EXOC4: variants seen among roughly 807,000 people sequenced by gnomAD.
The protein encoded by EXOC4 is SEC8-like 1.
Under a neutral mutation model 107.2 loss-of-function variants are expected in EXOC4, and 71 were observed. The ratio of observed to expected loss-of-function variants is 0.66; its 90% confidence interval spans 0.55 to 0.81. The LOEUF (loss-of-function observed/expected upper bound fraction) is 0.81, where lower values mean the gene tolerates loss of function less well. Ranked by LOEUF, EXOC4 falls within the 30% of genes least tolerant of loss-of-function variation. The pLI, the probability that EXOC4 is intolerant of heterozygous loss-of-function variation, is 0.00. For missense variants in EXOC4, 1,108 were observed against 1,189.6 expected (o/e 0.93, Z 1.01); for synonymous variants, 456 against 441.2 (o/e 1.03, Z -0.42).
At chr7:133,966,339 C>T (rs1266939271) in intron 14 of EXOC4, among the ~76,000 whole-genome samples, 1 of 152,046 alleles carries the variant, frequency 6.6e-6, no homozygotes, top group African/African-American at 2.4e-5. Flanking sequence ...GCCTGATTGC[C>T]CTGGCCAGAA....
At chr7:134,067,628 TATATATATATACACAC>T (rs1796203125), downstream of EXOC4, among the ~76,000 whole-genome samples, 1 of 43,094 alleles carries the variant, frequency 2.3e-5, no homozygotes, top group African/African-American at 6.0e-5. Context: ...CCAACTCTTA[TATATATATATACACAC>T]ACACACACAC....
rs756723989 is a variant in EXOC4 at position 133,305,972 on chromosome 7, C to G, written c.567C>G (p.His189Gln). The change falls in exon 4 of 18, where the codon CAC becomes CAG. Residue 189 changes from histidine (H) to glutamine (Q), a missense_variant. Physicochemically the swap from His to Gln is conservative, Grantham distance 24. Transcript: ENST00000253861. ...LELHSKKMNL[H>Q]LVLIDELHRH... ...TTCACAGCAAGAAGATGAACCTTCA[C>G]TTGGTTCTCATAGATGAACTACACC... is the stretch of plus-strand genomic sequence containing the variant. 1 of 1,613,810 alleles carries G rather than the reference C, an allele frequency of 6.2e-7. No individual in the cohort carries two copies. The highest frequency in any genetic ancestry group is 1.3e-5 in the African/African-American group (1 of 74,900).
chr7:133,780,662 A>T (rs569213281), intron 10 of EXOC4, among the ~76,000 whole-genome samples: 15 of 152,270 alleles, frequency 9.9e-5, no homozygotes, highest in African/African-American at 3.4e-4. Context: ...CACATTGGGC[A>T]GGAGTGGGCC....
intron 13 of EXOC4, 84 bp from the exon 14 acceptor site, chr7:133,937,807 T>C (rs1242397475): frequency 7.6e-7 from 1 of 1,318,376 alleles, no homozygotes. Context: ...TCAGTCCTTG[T>C]GCTAGGTGTG....
At chr7:133,409,153 AT>A (rs1486867528) in intron 7 of EXOC4, among the ~76,000 whole-genome samples, 2 of 152,196 alleles carry the variant, frequency 1.3e-5, no homozygotes, top group Non-Finnish European at 2.9e-5. Flanking sequence ...TAACCAGCAA[AT>A]TTGTAAATGT....
chr7:133,464,052 A>G (rs1411646273), intron 7 of EXOC4, among the ~76,000 whole-genome samples: 1 of 152,208 alleles, frequency 6.6e-6, no homozygotes, highest in Non-Finnish European at 1.5e-5. Context: ...ACTGGAATAT[A>G]TTAGAAAAGA....
chr7:134,090,834 G>T, the EXOC4 span, among the ~76,000 whole-genome samples: 3 of 152,028 alleles, frequency 2.0e-5, no homozygotes, highest in Admixed American at 6.6e-5. Flanking sequence ...GAGAATAGCA[G>T]TTAGCATCCC....
chr7:133,882,705 A>C (rs1267710626), intron 11 of EXOC4, among the ~76,000 whole-genome samples: 1 of 152,198 alleles, frequency 6.6e-6, no homozygotes, highest in Non-Finnish European at 1.5e-5. Context: ...ACACCATTGC[A>C]GGAAGGTACA....
chr7:133,561,381 C>T (rs1262146133), intron 9 of EXOC4, among the ~76,000 whole-genome samples: 1 of 152,190 alleles, frequency 6.6e-6, no homozygotes, highest in East Asian at 1.9e-4. Context: ...CAGTGTTTTT[C>T]TAAGCCCCTT....
At chr7:133,589,066 A>G (rs558193176) in intron 9 of EXOC4, among the ~76,000 whole-genome samples, 2 of 152,276 alleles carry the variant, frequency 1.3e-5, no homozygotes, top group South Asian at 4.1e-4. Context: ...TTTATTTCTC[A>G]ACATAAGCTC....
At chr7:133,910,978 G>A (rs1305427185) in intron 12 of EXOC4, among the ~76,000 whole-genome samples, 4 of 152,188 alleles carry the variant, frequency 2.6e-5, no homozygotes, top group Non-Finnish European at 4.4e-5. Context: ...CAGAGAGGAA[G>A]CGGTACACAT....
In EXOC4 at chr7:133,296,436, C is replaced by T. The variant is rs114873161; in HGVS notation, c.471+7320C>T. 8.6e-3 allele frequency among the ~76,000 whole-genome samples: 1,310 copies of T among 152,146 alleles called. 15 individuals carry two copies. Among genetic ancestry groups the T allele is most frequent in the African/African-American group, 0.03 (1,249 of 41,494 alleles). Reference sequence around the variant, plus strand: ...TGCTTTTAGCCGCATTTGAGACCCCCCTTCATTCTTCTCTTGCCTTCAAAA... The same window carrying T: ...TGCTTTTAGCCGCATTTGAGACCCCTCTTCATTCTTCTCTTGCCTTCAAAA... On this transcript the variant is annotated intron_variant, in intron 3 of 17. Transcript: ENST00000253861.
In EXOC4 at chr7:134,047,745, A is replaced by C. The variant is rs144272382; in HGVS notation, c.2688-16546A>C. On this transcript the variant is annotated intron_variant, in intron 17 of 17. Coordinates refer to ENST00000253861, the MANE Select transcript of EXOC4 (RefSeq NM_021807.4). ...TTTATCTGCCAAATTAAGGTTATCA[A>C]GCCTTTCTTGTATGTTTGTCAAGAG... is the stretch of plus-strand genomic sequence containing the variant. 2.5e-3 allele frequency among the ~76,000 whole-genome samples: 381 copies of C among 152,290 alleles called. 1 individual carries two copies. The highest frequency in any genetic ancestry group is 7.8e-3 in the African/African-American group (326 of 41,566).
At chr7:133,654,792 C>CCT (rs1475879019) in intron 10 of EXOC4, among the ~76,000 whole-genome samples, 2 of 152,158 alleles carry the variant, frequency 1.3e-5, no homozygotes, top group Middle Eastern at 3.2e-3. Flanking sequence ...CTACTACACG[C>CCT]CTAGGCTGTA....
chr7:133,962,503 G>A (rs1800969825), intron 14 of EXOC4, among the ~76,000 whole-genome samples: 1 of 152,022 alleles, frequency 6.6e-6, no homozygotes, highest in African/African-American at 2.4e-5. Context: ...GCTTCAGCCC[G>A]GGCAGAGATG....
At chr7:133,865,596 A>G (rs1336037793) in intron 11 of EXOC4, among the ~76,000 whole-genome samples, 1 of 152,214 alleles carries the variant, frequency 6.6e-6, no homozygotes, top group Non-Finnish European at 1.5e-5. Flanking sequence ...TTGTGAAGAA[A>G]TGAGGTTTAA....
the EXOC4 span, among the ~76,000 whole-genome samples, chr7:134,095,782 A>T: frequency 6.6e-6 from 1 of 152,222 alleles, no homozygotes; most frequent in Admixed American, 6.5e-5. Flanking sequence ...AGAAAAATGA[A>T]ATTGGACCCC....
the EXOC4 span, among the ~76,000 whole-genome samples, chr7:134,100,652 T>G: frequency 7.7e-6 from 1 of 130,546 alleles, no homozygotes; most frequent in East Asian, 2.1e-4. Context: ...GGAAAAGACA[T>G]CTAAATTTTG....
At chr7:133,468,595 C>T (rs369247280) in intron 7 of EXOC4, among the ~76,000 whole-genome samples, 1 of 152,116 alleles carries the variant, frequency 6.6e-6, no homozygotes, top group African/African-American at 2.4e-5. Flanking sequence ...GATTTTGTCT[C>T]CTGCGCTTTT....
Sources: allele counts gnomAD v4.1 joint callset (sites outside exome capture counted in the v4.1 genomes callset), GRCh38; gene constraint gnomAD v4.1.1; transcripts MANE v1.5; gene names NCBI Gene and HGNC (gene_info 2026-07-23, HGNC 2026-07-21).